The following RAI14 variants were observed in gnomAD, a reference collection of about 807,000 sequenced individuals.
RAI14 encodes the protein ankycorbin.
RAI14 carries 45 observed loss-of-function variants against 115.4 expected under a neutral mutation model. The ratio of observed to expected loss-of-function variants is 0.39; its 90% CI spans 0.31 to 0.50. RAI14 has a LOEUF of 0.50. Ranked by LOEUF, RAI14 falls within the 20% of genes least tolerant of loss-of-function variation. The pLI is 0.85. For synonymous variants in RAI14, 371 were observed against 415.4 expected (o/e 0.89, Z 1.30); for missense variants, 939 against 1,131.2 (o/e 0.83, Z 2.44).
rs1747873616 is a variant in RAI14, at chr5:34,756,345, G to C, written c.37-1123G>C. 2.6e-5 allele frequency among the ~76,000 whole-genome samples: 4 copies of C among 152,272 alleles called. No individual in the cohort carries two copies. In the South Asian group the frequency reaches 6.2e-4, roughly 24 times the overall value. The stretch of plus-strand genomic sequence containing the variant: ...CCTTTTAAGGGTCGATCGTAAAGCT[G>C]TTAATACGAAATACCTGGAGGTTCA... On this transcript the variant is annotated intron_variant, in intron 2 of 17. Transcript: ENST00000265109.
At chr5:34,677,989 T>A (rs1744110491) in intron 1 of RAI14, among the ~76,000 whole-genome samples, 1 of 152,216 alleles carries the variant, frequency 6.6e-6, no homozygotes, top group Non-Finnish European at 1.5e-5. Flanking sequence ...CTACCCGGCC[T>A]CCTGCATCTT....
chr5:34,664,393 G>A (rs1742938430), intron 1 of RAI14, among the ~76,000 whole-genome samples: 1 of 146,832 alleles, frequency 6.8e-6, no homozygotes. Context: ...CTCCAGCCTG[G>A]GTGACAGCGA....
chr5:34,746,229 C>T (rs532270358), intron 2 of RAI14, among the ~76,000 whole-genome samples: 1 of 151,818 alleles, frequency 6.6e-6, no homozygotes, highest in African/African-American at 2.4e-5. Context: ...CCTCAGCCTG[C>T]CAAGTAGCTG....
intron 1 of RAI14, among the ~76,000 whole-genome samples, chr5:34,665,991 A>C (rs1317071464): frequency 6.6e-6 from 1 of 152,220 alleles, no homozygotes; most frequent in African/African-American, 2.4e-5. Context: ...AATAAAATGC[A>C]ATTTATATGC....
At chr5:34,754,630 T>A (rs929275146) in intron 2 of RAI14, among the ~76,000 whole-genome samples, 29 of 152,246 alleles carry the variant, frequency 1.9e-4, no homozygotes, top group Middle Eastern at 6.8e-3. Flanking sequence ...AAGATTTGCT[T>A]GTGTAGCCAT....
intron 2 of RAI14, among the ~76,000 whole-genome samples, chr5:34,754,737 G>T (rs1434529407): frequency 6.6e-6 from 1 of 152,158 alleles, no homozygotes; most frequent in Admixed American, 6.5e-5. Flanking sequence ...TAGGAATGTT[G>T]CATTGACCTT....
At chr5:34,665,047 A>ATATATATATGTG (rs1743017938) in intron 1 of RAI14, among the ~76,000 whole-genome samples, 3 of 77,954 alleles carry the variant, frequency 3.8e-5, no homozygotes, top group Non-Finnish European at 8.0e-5. Context: ...ATATATGTGT[A>ATATATATATGTG]TATATATGTG....
At chr5:34,810,838 T>C (rs1755496808) in intron 7 of RAI14, among the ~76,000 whole-genome samples, 174 bp from the exon 8 acceptor site, 2 of 152,006 alleles carry the variant, frequency 1.3e-5, no homozygotes, top group Admixed American at 1.3e-4. Context: ...ACAAGAGTTG[T>C]GCCAACATAC....
intron 3 of RAI14, among the ~76,000 whole-genome samples, chr5:34,758,132 AG>A (rs1673338834): frequency 6.6e-6 from 1 of 152,200 alleles, no homozygotes; most frequent in South Asian, 2.1e-4. Context: ...TTACGTTGGC[AG>A]TGTTGTGGAG....
chr5:34,788,487 T>C, intron 3 of RAI14, among the ~76,000 whole-genome samples: 1 of 152,212 alleles, frequency 6.6e-6, no homozygotes, highest in East Asian at 1.9e-4. Flanking sequence ...GCAGGAACTT[T>C]GTTTTATTCA....
At chr5:34,688,330 A>G in intron 2 of RAI14, 4 of 1,348,750 alleles carry the variant, frequency 3.0e-6, no homozygotes, top group South Asian at 1.3e-5. Context: ...GTCTTTTTCT[A>G]TTCCAAGGGA....
chr5:34,713,780 G>A (rs1281471691), intron 2 of RAI14, among the ~76,000 whole-genome samples: 2 of 151,972 alleles, frequency 1.3e-5, no homozygotes, highest in African/African-American at 4.8e-5. Context: ...TACTATCCTG[G>A]TCTTTATTGC....
intron 3 of RAI14, among the ~76,000 whole-genome samples, chr5:34,784,466 CTA>C (rs1379819526): frequency 1.3e-5 from 2 of 152,158 alleles, no homozygotes; most frequent in African/African-American, 4.8e-5. Context: ...CTGAGTAAGA[CTA>C]TTTATAAAAG....
intron 16 of RAI14, among the ~76,000 whole-genome samples, chr5:34,826,685 G>T (rs1675594483): frequency 1.3e-5 from 2 of 152,166 alleles, no homozygotes; most frequent in African/African-American, 4.8e-5. Context: ...CAATGCAACG[G>T]GTCAGATATT....
At position 34,750,326 on chromosome 5, in the gene RAI14, G is replaced by A. The variant is rs186850757; in HGVS notation, c.37-7142G>A. ...ACTTGGGCTTAGGAGTGGGCTGGGT[G>A]GGGGTAGATATTTAGGCCAGAAATC... On this transcript the variant is annotated intron_variant, in intron 2 of 17. Coordinates refer to ENST00000265109, the MANE Select transcript of RAI14 (RefSeq NM_015577.3). Among the ~76,000 whole-genome samples the A allele has an allele frequency of 3.9e-5, 6 of 152,268 alleles. No homozygotes were observed. In the East Asian group the frequency reaches 1.2e-3, roughly 29 times the overall value.
At chr5:34,708,236 CTTG>C (rs1740956619) in intron 2 of RAI14, among the ~76,000 whole-genome samples, 1 of 147,714 alleles carries the variant, frequency 6.8e-6, no homozygotes, top group South Asian at 2.1e-4. Context: ...GAGTTTCACT[CTTG>C]TTGCCCAGGC....
chr5:34,805,448 G>A (rs80174379), intron 5 of RAI14, among the ~76,000 whole-genome samples: 2,808 of 152,204 alleles, frequency 0.018, 86 homozygotes, highest in African/African-American at 0.062. Flanking sequence ...CTTATTGCCC[G>A]TCTGCTGGAG....
intron 3 of RAI14, among the ~76,000 whole-genome samples, chr5:34,785,685 G>C (rs1360043165): frequency 6.6e-6 from 1 of 152,094 alleles, no homozygotes; most frequent in South Asian, 2.1e-4. Flanking sequence ...TTATTTCACA[G>C]GTAGGATGTT....
At chr5:34,766,532 A>G (rs1192741922) in intron 3 of RAI14, among the ~76,000 whole-genome samples, 1 of 151,996 alleles carries the variant, frequency 6.6e-6, no homozygotes, top group African/African-American at 2.4e-5. Flanking sequence ...AATTTCTCCC[A>G]TTTGGAATGG....
Sources: allele counts gnomAD v4.1 joint callset (sites outside exome capture counted in the v4.1 genomes callset), GRCh38; gene constraint gnomAD v4.1.1; transcripts MANE v1.5; gene names NCBI Gene and HGNC (gene_info 2026-07-23, HGNC 2026-07-21).